CBLN2: variants seen among roughly 807,000 people sequenced by gnomAD.
CBLN2 encodes the protein cerebellin-2.
A neutral mutation model predicts 15.0 loss-of-function variants in CBLN2; 7 were observed. The ratio of observed to expected loss-of-function variants is 0.47; its 90% CI spans 0.27 to 0.88. CBLN2 has a LOEUF of 0.88. CBLN2 is among the 40% of genes least tolerant of loss of function. The pLI is 0.14. For synonymous variants in CBLN2, 149 were observed against 135.2 expected, an observed-to-expected ratio of 1.10 and a Z score of -0.71; for missense variants, 242 against 304.5, an observed-to-expected ratio of 0.79 and a Z score of 1.53.
chr18:72,589,937 A>T (rs1376883017), intron 1 of CBLN2, among the ~76,000 whole-genome samples: 1 of 152,044 alleles, frequency 6.6e-6, no homozygotes, highest in Non-Finnish European at 1.5e-5. Flanking sequence ...GTTCGAGACC[A>T]GCCTGGTCAA....
At chr18:72,601,133 T>C (rs1056726790) in intron 1 of CBLN2, among the ~76,000 whole-genome samples, 5 of 152,174 alleles carry the variant, frequency 3.3e-5, no homozygotes, top group African/African-American at 4.8e-5. Flanking sequence ...TTTTCATTGG[T>C]TTTACAAAGG....
chr18:72,564,415 G>A (rs1305143580), intron 1 of CBLN2, among the ~76,000 whole-genome samples: 1 of 151,928 alleles, frequency 6.6e-6, no homozygotes. Flanking sequence ...TAAAAATACA[G>A]TCGAGAGCTT....
At chr18:72,602,138 G>A (rs879527680) in intron 1 of CBLN2, among the ~76,000 whole-genome samples, 5 of 152,148 alleles carry the variant, frequency 3.3e-5, no homozygotes, top group African/African-American at 1.2e-4. Flanking sequence ...ATCCCCTTCC[G>A]GTCCCCCCAG....
At chr18:72,598,085 T>C (rs2069524778) in intron 1 of CBLN2, among the ~76,000 whole-genome samples, 1 of 152,162 alleles carries the variant, frequency 6.6e-6, no homozygotes, top group South Asian at 2.1e-4. Context: ...CCCTTCACTG[T>C]TCCTTCTCCT....
chr18:72,542,419 C>G (rs375255640), intron 2 of CBLN2, 93 bp from the exon 3 acceptor site: 1 of 220,678 alleles, frequency 4.5e-6, no homozygotes, highest in Non-Finnish European at 8.6e-6. Flanking sequence ...CTCGGGGGTT[C>G]TCCCCGAAGG....
At chr18:72,596,247 C>T (rs373948488) in intron 1 of CBLN2, among the ~76,000 whole-genome samples, 6 of 151,936 alleles carry the variant, frequency 3.9e-5, no homozygotes, top group Admixed American at 1.3e-4. Context: ...TGATTTGAAA[C>T]TGATGACAAT....
chr18:72,567,931 T>C (rs532919293), intron 1 of CBLN2, among the ~76,000 whole-genome samples: 134 of 152,342 alleles, frequency 8.8e-4, no homozygotes, highest in African/African-American at 3.2e-3. Flanking sequence ...AATTTTCCAT[T>C]AGAAATAAAA....
intron 1 of CBLN2, among the ~76,000 whole-genome samples, chr18:72,597,171 T>TAGGAAGGCTTTCCATGTATTTGATC (rs2069518895): frequency 6.6e-6 from 1 of 152,152 alleles, no homozygotes; most frequent in Admixed American, 6.5e-5. Flanking sequence ...CCATCCTTCT[T>TAGGAAGGCTTTCCATGTATTTGATC]AGGAAGGCTT....
chr18:72,539,011 A>G (rs867487433), intron 3 of CBLN2: 3 of 462,802 alleles, frequency 6.5e-6, no homozygotes, highest in South Asian at 7.1e-5. Flanking sequence ...TTTCTAAAGC[A>G]TATTTTAATT....
intron 1 of CBLN2, among the ~76,000 whole-genome samples, chr18:72,589,497 A>C (rs1438141029): frequency 6.6e-6 from 1 of 152,178 alleles, no homozygotes; most frequent in East Asian, 1.9e-4. Context: ...GGTTAAACTC[A>C]ATCTCAGGCA....
intron 1 of CBLN2, among the ~76,000 whole-genome samples, chr18:72,559,169 C>G (rs1160635459): frequency 6.6e-6 from 1 of 152,242 alleles, no homozygotes. Flanking sequence ...AGTCAAGCAT[C>G]TTTGATGTGA....
At position 72,600,263 on chromosome 18, in the gene CBLN2, T is replaced by C. The variant is rs1457881107; in HGVS notation, c.15+38062A>G. Among the ~76,000 whole-genome samples the C allele has an allele frequency of 5.9e-5, 9 of 152,174 alleles. No homozygotes were observed. In the South Asian group the frequency reaches 1.2e-3, roughly 21 times the overall value. ...TATGATTATAAACTTGATCCTGAAA[T>C]TGGGGTGTGTCGAGTAGGTTTTTGG... On this transcript the variant is annotated intron_variant, in intron 1 of 2. Transcript: ENST00000581073.
intron 1 of CBLN2, among the ~76,000 whole-genome samples, chr18:72,554,631 T>TA (rs546144256): frequency 1.1e-3 from 149 of 133,576 alleles, no homozygotes; most frequent in East Asian, 0.011. Flanking sequence ...TAACACAAAG[T>TA]AAAAAAAAAA....
intron 1 of CBLN2, among the ~76,000 whole-genome samples, chr18:72,566,003 A>C (rs1284589668): frequency 1.3e-5 from 2 of 152,220 alleles, no homozygotes; most frequent in Non-Finnish European, 2.9e-5. Flanking sequence ...TTAAATGAGC[A>C]AAAGAGCTAA....
At chr18:72,616,515 G>A (rs1044554519) in intron 1 of CBLN2, among the ~76,000 whole-genome samples, 23 of 152,102 alleles carry the variant, frequency 1.5e-4, no homozygotes, top group African/African-American at 5.1e-4. Context: ...CTGATTCTTG[G>A]TCTTTGTTCT....
At chr18:72,580,964 T>C (rs984935192) in intron 1 of CBLN2, among the ~76,000 whole-genome samples, 8 of 152,298 alleles carry the variant, frequency 5.3e-5, no homozygotes, top group African/African-American at 1.7e-4. Context: ...TATTAGCCAG[T>C]ATTCCGCTAA....
intron 1 of CBLN2, among the ~76,000 whole-genome samples, chr18:72,615,806 G>A (rs1052704794): frequency 6.6e-6 from 1 of 152,062 alleles, no homozygotes; most frequent in African/African-American, 2.4e-5. Context: ...GATAATTCTA[G>A]AATGAAATTA....
At chr18:72,607,678 C>CCTCTCTCTCTCTCT (rs137899122) in intron 1 of CBLN2, among the ~76,000 whole-genome samples, 4,537 of 149,610 alleles carry the variant, frequency 0.03, 226 homozygotes, top group African/African-American at 0.11. Flanking sequence ...TATGTAGATA[C>CCTCTCTCTCTCTCT]CTCTCTCTCT....
chr18:72,596,288 ACT>A (rs1438787112), intron 1 of CBLN2, among the ~76,000 whole-genome samples: 1 of 150,970 alleles, frequency 6.6e-6, no homozygotes, highest in Non-Finnish European at 1.5e-5. Context: ...ATTAATAAAA[ACT>A]CTGTTTTTTA....
Sources: allele counts gnomAD v4.1 joint callset (sites outside exome capture counted in the v4.1 genomes callset), GRCh38; gene constraint gnomAD v4.1.1; transcripts MANE v1.5; gene names NCBI Gene and HGNC (gene_info 2026-07-23, HGNC 2026-07-21).